Variants in ERBB4 observed in about 807,000 individuals in gnomAD.
ERBB4 encodes receptor tyrosine-protein kinase erbB-4.
Under a neutral mutation model 158.0 loss-of-function variants are expected in ERBB4, and 42 were observed. The ratio of observed to expected loss-of-function variants is 0.27; its 90% CI spans 0.21 to 0.34. The LOEUF (loss-of-function observed/expected upper bound fraction) is 0.34. Ranked by LOEUF, ERBB4 falls within the 10% of genes least tolerant of loss-of-function variation. The probability of loss-of-function intolerance (pLI) is 1.00; values close to 1 mark genes in which losing one functional copy is unlikely to be tolerated. For synonymous variants in ERBB4, 583 were observed against 558.7 expected (o/e 1.04, Z -0.61); for missense variants, 1,333 against 1,624.1 (o/e 0.82, Z 3.08).
At chr2:211,609,033 T>C (rs1337047716) in intron 19 of ERBB4, among the ~76,000 whole-genome samples, 1 of 152,048 alleles carries the variant, frequency 6.6e-6, no homozygotes, top group East Asian at 1.9e-4. Context: ...GTGATGATGG[T>C]ATGCAGACTA....
intron 1 of ERBB4, among the ~76,000 whole-genome samples, chr2:212,444,507 A>C (rs929604000): frequency 2.0e-5 from 3 of 152,180 alleles, no homozygotes; most frequent in African/African-American, 7.2e-5. Context: ...GAGTGGTCAA[A>C]AACTGTGAAG....
At chr2:211,881,861 C>A (rs575113940) in intron 3 of ERBB4, among the ~76,000 whole-genome samples, 4 of 152,214 alleles carry the variant, frequency 2.6e-5, no homozygotes, top group Non-Finnish European at 1.5e-5. Context: ...CATGAGACAA[C>A]GAACCTTGGA....
At chr2:211,658,088 A>AACTATT in intron 15 of ERBB4, 1 of 885,382 alleles carries the variant, frequency 1.1e-6, no homozygotes, top group Admixed American at 2.1e-5. Flanking sequence ...GAATTCTTAT[A>AACTATT]ACTATTAGAC....
rs550265758 is a variant in ERBB4 at position 211,704,716 on chromosome 2, T to C, written c.1199-522A>G. Reference sequence around the variant, plus strand: ...GCTACATGTTATCTATTTTCAATAGTACTTCTTTTGAAGAAGTAAACAGAA... The same window carrying C: ...GCTACATGTTATCTATTTTCAATAGCACTTCTTTTGAAGAAGTAAACAGAA... On this transcript the variant is annotated intron_variant, in intron 10 of 27. Transcript: ENST00000342788. 3.3e-5 allele frequency among the ~76,000 whole-genome samples: 5 copies of C among 152,366 alleles called. No homozygotes were observed. The South Asian group carries it at 1.0e-3, about 32-fold the overall frequency.
intron 19 of ERBB4, among the ~76,000 whole-genome samples, chr2:211,589,805 T>C (rs1359067454): frequency 1.3e-5 from 2 of 152,178 alleles, no homozygotes; most frequent in Non-Finnish European, 2.9e-5. Context: ...GTAACTATGT[T>C]CAAAATGTTC....
At chr2:212,107,832 T>G (rs1369965316) in intron 2 of ERBB4, among the ~76,000 whole-genome samples, 4 of 152,162 alleles carry the variant, frequency 2.6e-5, no homozygotes, top group African/African-American at 9.7e-5. Context: ...AAGGGGAGTT[T>G]CCCTGCACAA....
intron 2 of ERBB4, among the ~76,000 whole-genome samples, chr2:212,059,356 G>A (rs532866244): frequency 1.3e-5 from 2 of 152,230 alleles, no homozygotes; most frequent in South Asian, 4.1e-4. Flanking sequence ...TATGAAAATG[G>A]CCATATTGCC....
chr2:211,959,935 A>G (rs1283307343), intron 2 of ERBB4, among the ~76,000 whole-genome samples: 1 of 152,120 alleles, frequency 6.6e-6, no homozygotes, highest in East Asian at 1.9e-4. Flanking sequence ...AAGATTCTGA[A>G]TATTAGAAAG....
intron 2 of ERBB4, among the ~76,000 whole-genome samples, chr2:211,999,049 TAATC>T (rs2076042413): frequency 6.6e-6 from 1 of 151,808 alleles, no homozygotes; most frequent in Non-Finnish European, 1.5e-5. Flanking sequence ...ATTTTTATTT[TAATC>T]AAACTAGAAC....
At chr2:211,443,970 G>T (rs906990373) in intron 20 of ERBB4, among the ~76,000 whole-genome samples, 1 of 151,830 alleles carries the variant, frequency 6.6e-6, no homozygotes, top group African/African-American at 2.4e-5. Flanking sequence ...AATTCCCTCC[G>T]ATTTTAAGTA....
intron 1 of ERBB4, among the ~76,000 whole-genome samples, chr2:212,333,068 G>C (rs1396048965): frequency 6.6e-6 from 1 of 152,040 alleles, no homozygotes; most frequent in Non-Finnish European, 1.5e-5. Flanking sequence ...GTGTGAGGTG[G>C]TTAAAATGAA....
chr2:212,031,230 T>C (rs2076895919), intron 2 of ERBB4, among the ~76,000 whole-genome samples: 2 of 152,148 alleles, frequency 1.3e-5, no homozygotes, highest in South Asian at 2.1e-4. Context: ...AGGCTGTGAC[T>C]TGCAAGATTC....
At chr2:211,787,817 AG>A (rs2076199304) in intron 4 of ERBB4, among the ~76,000 whole-genome samples, 1 of 152,144 alleles carries the variant, frequency 6.6e-6, no homozygotes. Flanking sequence ...TAACAAAATG[AG>A]AATTTGTGAA....
chr2:211,446,950 T>C (rs1483400624), intron 20 of ERBB4, among the ~76,000 whole-genome samples: 1 of 152,146 alleles, frequency 6.6e-6, no homozygotes, highest in Non-Finnish European at 1.5e-5. Flanking sequence ...CACATCACAA[T>C]ATATTAACAT....
At chr2:212,199,542 C>T (rs1364329880) in intron 1 of ERBB4, among the ~76,000 whole-genome samples, 2 of 152,126 alleles carry the variant, frequency 1.3e-5, no homozygotes, top group Non-Finnish European at 2.9e-5. Flanking sequence ...CCAAATTACT[C>T]AGGCTAGAGG....
intron 19 of ERBB4, among the ~76,000 whole-genome samples, chr2:211,603,785 G>A (rs1334536675): frequency 6.6e-6 from 1 of 152,160 alleles, no homozygotes. Flanking sequence ...CTGCTTCCTT[G>A]ACTAGGGGTT....
chr2:212,286,384 T>A (rs2106163562), intron 1 of ERBB4, among the ~76,000 whole-genome samples: 1 of 152,206 alleles, frequency 6.6e-6, no homozygotes, highest in South Asian at 2.1e-4. Context: ...TAGACCCACA[T>A]AAGTTTCTGT....
chr2:211,785,672 G>T (rs1421698658), intron 4 of ERBB4, among the ~76,000 whole-genome samples: 2 of 152,008 alleles, frequency 1.3e-5, no homozygotes, highest in Non-Finnish European at 2.9e-5. Flanking sequence ...TTGTTGAAGA[G>T]ACTTCCCTTT....
intron 2 of ERBB4, among the ~76,000 whole-genome samples, chr2:212,043,318 C>A (rs12470737): frequency 0.23 from 35,035 of 152,002 alleles, 4,781 homozygotes; most frequent in African/African-American, 0.38. Flanking sequence ...CAGGTCAAAA[C>A]TAATCTCCCA....
Sources: gnomAD v4.1 joint callset for allele counts (sites outside exome capture counted in the v4.1 genomes callset) on GRCh38, gnomAD v4.1.1 for gene constraint, MANE v1.5 for transcripts, NCBI Gene and HGNC (gene_info 2026-07-23, HGNC 2026-07-21) for gene names.